The following MAML3 variants were observed in gnomAD, a reference collection of about 807,000 sequenced individuals.
MAML3 encodes mastermind like transcriptional coactivator 3.
MAML3 carries 27 observed loss-of-function variants against 101.9 expected under a neutral mutation model. That is an observed-to-expected ratio of 0.27 (90% CI 0.20 to 0.37). MAML3 has a LOEUF of 0.37. Among genes scored for constraint, MAML3 ranks in the 10% least tolerant of loss-of-function variants. MAML3 has a pLI of 1.00. For synonymous variants in MAML3, 501 were observed against 555.9 expected, an observed-to-expected ratio of 0.90 and a Z score of 1.39; for missense variants, 1,316 against 1,444.9, an observed-to-expected ratio of 0.91 and a Z score of 1.45.
intron 1 of MAML3, among the ~76,000 whole-genome samples, chr4:140,122,698 A>G (rs987133618): frequency 2.7e-5 from 4 of 148,868 alleles, no homozygotes; most frequent in East Asian, 4.1e-4. Context: ...AGGCTGCGGC[A>G]GGAGAATGGC....
chr4:139,955,535 G>T (rs1294577361), intron 1 of MAML3, among the ~76,000 whole-genome samples: 7 of 152,094 alleles, frequency 4.6e-5, no homozygotes, highest in African/African-American at 1.7e-4. Context: ...TGTATCAAGT[G>T]CTACTTACAT....
chr4:140,059,185 A>G (rs1234541128), intron 1 of MAML3, among the ~76,000 whole-genome samples: 3 of 152,214 alleles, frequency 2.0e-5, no homozygotes, highest in Non-Finnish European at 4.4e-5. Context: ...CCTTTATATT[A>G]CCAAAAGCTT....
intron 1 of MAML3, among the ~76,000 whole-genome samples, chr4:140,096,836 A>G (rs1046872921): frequency 3.3e-5 from 5 of 152,118 alleles, no homozygotes; most frequent in African/African-American, 4.8e-5. Context: ...TCTGTGCAAT[A>G]TTTTCTACCT....
intron 1 of MAML3, among the ~76,000 whole-genome samples, chr4:140,041,361 C>T (rs1371192864): frequency 6.6e-6 from 1 of 152,094 alleles, no homozygotes; most frequent in African/African-American, 2.4e-5. Context: ...TGGTGGCTCA[C>T]CTCTGTAATA....
At chr4:139,802,705 G>C (rs1164320907) in intron 2 of MAML3, among the ~76,000 whole-genome samples, 3 of 152,228 alleles carry the variant, frequency 2.0e-5, no homozygotes, top group Admixed American at 6.5e-5. Flanking sequence ...ATGGATGGTA[G>C]AGTGGGGTCA....
chr4:139,816,642 A>G (rs1427888621), intron 2 of MAML3, among the ~76,000 whole-genome samples: 1 of 152,106 alleles, frequency 6.6e-6, no homozygotes, highest in African/African-American at 2.4e-5. Flanking sequence ...GTTGTGCTGC[A>G]TCTTCTTTCA....
chr4:139,984,008 A>G (rs1259736971), intron 1 of MAML3, among the ~76,000 whole-genome samples: 1 of 152,244 alleles, frequency 6.6e-6, no homozygotes, highest in Non-Finnish European at 1.5e-5. Flanking sequence ...GTAGACATAC[A>G]GATGCAATTA....
intron 2 of MAML3, among the ~76,000 whole-genome samples, chr4:139,791,327 T>G (rs1328045420): frequency 6.6e-6 from 1 of 152,008 alleles, no homozygotes; most frequent in Non-Finnish European, 1.5e-5. Context: ...CAAAAGCCCA[T>G]CTCTACTAAA....
rs150535444 is a variant in MAML3 at position 139,723,306 on chromosome 4, G to T, written c.2416+2445C>A. Among the ~76,000 whole-genome samples, 158 of 151,680 alleles carry T rather than the reference G, an allele frequency of 1.0e-3. 1 individual carries two copies. The highest frequency in any genetic ancestry group is 2.7e-3 in the African/African-American group (113 of 41,394). On this transcript the variant is annotated intron_variant, in intron 4 of 4. Coordinates refer to ENST00000509479, the MANE Select transcript of MAML3 (RefSeq NM_018717.5). The stretch of plus-strand genomic sequence containing the variant: ...CAGGTGACTTTAATTTTTGTCTCTG[G>T]TTTTTTTTGTTTCTTTTTTCTGGGA...
At chr4:139,976,545 T>G (rs1461031354) in intron 1 of MAML3, among the ~76,000 whole-genome samples, 1 of 152,192 alleles carries the variant, frequency 6.6e-6, no homozygotes, top group African/African-American at 2.4e-5. Context: ...CTTAGAATCA[T>G]AGGTGATACC....
Position 139,785,195 on chromosome 4 carries a change from ATGTCTGAACCAC to A in MAML3, c.2080-54540_2080-54529del, listed in dbSNP as rs1730284887. Reference sequence around the variant, plus strand: ...CAGCCACATGGCTCCTGGGTGCTCAATGTCTGAACCACAGCCTGCCCCTCAGCTTCTGGGTCC... The same window carrying A: ...CAGCCACATGGCTCCTGGGTGCTCAAAGCCTGCCCCTCAGCTTCTGGGTCC... On this transcript the variant is annotated intron_variant, in intron 2 of 4. Transcript: ENST00000509479. The surrounding 1 kb of genome is among the most constrained non-coding windows in gnomAD (Gnocchi z 4.3). Among the ~76,000 whole-genome samples, 1 of 152,214 alleles carries A rather than the reference ATGTCTGAACCAC, an allele frequency of 6.6e-6. No individual in the cohort carries two copies. Among genetic ancestry groups the A allele is most frequent in the Non-Finnish European group, 1.5e-5 (1 of 68,018 alleles).
intron 1 of MAML3, among the ~76,000 whole-genome samples, chr4:140,029,578 T>C (rs2110889122): frequency 6.6e-6 from 1 of 152,284 alleles, no homozygotes; most frequent in East Asian, 1.9e-4. Flanking sequence ...TTTGAGAAAA[T>C]ATTTCATTAG....
At chr4:139,919,684 G>A (rs577607920) in intron 1 of MAML3, among the ~76,000 whole-genome samples, 1 of 152,292 alleles carries the variant, frequency 6.6e-6, no homozygotes, top group South Asian at 2.1e-4. Flanking sequence ...CCACAACAGG[G>A]ACCTGGTGCA....
intron 1 of MAML3, among the ~76,000 whole-genome samples, chr4:140,059,859 A>T (rs1310843842): frequency 2.6e-5 from 4 of 152,348 alleles, no homozygotes; most frequent in Non-Finnish European, 5.9e-5. Flanking sequence ...ATCTTTTTCA[A>T]AAAGAACAGC....
intron 1 of MAML3, among the ~76,000 whole-genome samples, chr4:140,055,300 A>C (rs1727333226): frequency 2.0e-5 from 3 of 152,178 alleles, no homozygotes; most frequent in Admixed American, 2.0e-4. Context: ...GATGGTATTA[A>C]TTAGTTTGTT....
At chr4:139,731,789 G>T (rs1259544732) in intron 2 of MAML3, among the ~76,000 whole-genome samples, 1 of 152,188 alleles carries the variant, frequency 6.6e-6, no homozygotes, top group Non-Finnish European at 1.5e-5. Context: ...CACAGCCCAG[G>T]TGACTACATG....
At chr4:140,023,542 G>A (rs919683347) in intron 1 of MAML3, among the ~76,000 whole-genome samples, 1 of 152,150 alleles carries the variant, frequency 6.6e-6, no homozygotes, top group African/African-American at 2.4e-5. Flanking sequence ...ATTTGTCAGG[G>A]GGATATGTGG....
At chr4:140,081,292 A>T (rs1727858449) in intron 1 of MAML3, among the ~76,000 whole-genome samples, 1 of 152,292 alleles carries the variant, frequency 6.6e-6, no homozygotes, top group Non-Finnish European at 1.5e-5. Flanking sequence ...ACATGAACAC[A>T]AAATGTAAAC....
chr4:139,989,795 C>G (rs1734623128), intron 1 of MAML3, among the ~76,000 whole-genome samples: 1 of 150,966 alleles, frequency 6.6e-6, no homozygotes. Flanking sequence ...TTTTATTCAT[C>G]CAGTCTCTGC....
Sources: gnomAD v4.1 joint callset for allele counts (sites outside exome capture counted in the v4.1 genomes callset) on GRCh38, gnomAD v4.1.1 for gene constraint, Gnocchi (gnomAD v3.1) non-coding constraint, MANE v1.5 for transcripts, NCBI Gene and HGNC (gene_info 2026-07-23, HGNC 2026-07-21) for gene names.